The following CTNNA3 variants were observed in gnomAD, a reference collection of about 807,000 sequenced individuals.
CTNNA3 encodes the protein catenin alpha-3.
CTNNA3 carries 76 observed loss-of-function variants against 95.7 expected under a neutral mutation model. That is an observed-to-expected ratio of 0.79 (90% CI 0.66 to 0.96). The LOEUF (loss-of-function observed/expected upper bound fraction) is 0.96. CTNNA3 is among the 40% of genes least tolerant of loss of function. The probability of loss-of-function intolerance (pLI) is 0.00; values close to 1 mark genes in which losing one functional copy is unlikely to be tolerated. For missense variants in CTNNA3, 1,191 were observed against 1,089.8 expected (o/e 1.09, Z -1.31); for synonymous variants, 431 against 374.4 (o/e 1.15, Z -1.74).
chr10:65,969,700 T>C (rs1486615084), intron 16 of CTNNA3, among the ~76,000 whole-genome samples: 1 of 152,124 alleles, frequency 6.6e-6, no homozygotes, highest in Non-Finnish European at 1.5e-5. Flanking sequence ...TCTTTTGAAT[T>C]GACCCAGTCG....
At chr10:65,948,847 T>C (rs2077565948) in intron 17 of CTNNA3, among the ~76,000 whole-genome samples, 1 of 152,212 alleles carries the variant, frequency 6.6e-6, no homozygotes. Context: ...TCTTAAGAAA[T>C]GTCTATGCTG....
chr10:66,090,539 A>C (rs931568652), intron 14 of CTNNA3, among the ~76,000 whole-genome samples: 1 of 152,016 alleles, frequency 6.6e-6, no homozygotes, highest in African/African-American at 2.4e-5. Context: ...AAACACAGAA[A>C]TGTTCAGTAA....
chr10:67,097,653 G>A, intron 7 of CTNNA3: 3 of 1,612,586 alleles, frequency 1.9e-6, no homozygotes, highest in Non-Finnish European at 2.5e-6. Context: ...TTACTGTGGG[G>A]TGCATCATGA....
At chr10:67,426,138 A>G (rs996365461) in intron 5 of CTNNA3, among the ~76,000 whole-genome samples, 3 of 152,120 alleles carry the variant, frequency 2.0e-5, no homozygotes, top group Non-Finnish European at 4.4e-5. Context: ...AGAACAAATG[A>G]GTAGAAGAAG....
chr10:66,329,094 G>T (rs1347040737), intron 12 of CTNNA3, among the ~76,000 whole-genome samples: 5 of 151,164 alleles, frequency 3.3e-5, no homozygotes, highest in African/African-American at 1.2e-4. Context: ...GGGATTACAG[G>T]TGTGTGCCAT....
chr10:67,575,527 T>C (rs1842114396), intron 3 of CTNNA3, among the ~76,000 whole-genome samples: 1 of 152,200 alleles, frequency 6.6e-6, no homozygotes, highest in African/African-American at 2.4e-5. Flanking sequence ...CGTTGAGCTG[T>C]TGGCAAACAG....
rs150829424 is a variant in CTNNA3 at position 66,710,828 on chromosome 10, T to A, written c.1281+55436A>T. On this transcript the variant is annotated intron_variant, in intron 9 of 17. Coordinates refer to ENST00000433211, the MANE Select transcript of CTNNA3 (RefSeq NM_013266.4). Reference sequence around the variant, plus strand: ...ATTTATAATTCAACATTGAAACAAATCTTAAAACTTTGTCATGCGCTTGTT... The same window carrying A: ...ATTTATAATTCAACATTGAAACAAAACTTAAAACTTTGTCATGCGCTTGTT... Among the ~76,000 whole-genome samples, 173 of 150,636 alleles carry A rather than the reference T, an allele frequency of 1.1e-3. 1 individual carries two copies. The highest frequency in any genetic ancestry group is 3.9e-3 in the African/African-American group (159 of 40,874).
intron 9 of CTNNA3, among the ~76,000 whole-genome samples, chr10:66,682,023 A>G (rs1847083580): frequency 6.6e-6 from 1 of 152,204 alleles, no homozygotes. Context: ...TGGGCGTGTC[A>G]GGTCCTTTGT....
At chr10:66,303,012 T>C (rs2091884764) in intron 12 of CTNNA3, among the ~76,000 whole-genome samples, 1 of 152,126 alleles carries the variant, frequency 6.6e-6, no homozygotes, top group Non-Finnish European at 1.5e-5. Context: ...TAGGAATTTG[T>C]GACATAATTT....
chr10:65,948,911 TAA>T (rs1232045770), intron 17 of CTNNA3, among the ~76,000 whole-genome samples: 2 of 152,214 alleles, frequency 1.3e-5, no homozygotes, highest in African/African-American at 4.8e-5. Flanking sequence ...AATTTCTAGT[TAA>T]GTTTACTCAT....
chr10:67,649,699 C>G (rs1276528037), intron 1 of CTNNA3, among the ~76,000 whole-genome samples: 1 of 152,106 alleles, frequency 6.6e-6, no homozygotes, highest in African/African-American at 2.4e-5. Context: ...CTATCATAGG[C>G]AGAAAACTGC....
intron 11 of CTNNA3, among the ~76,000 whole-genome samples, chr10:66,457,864 AG>A (rs2093505069): frequency 6.6e-6 from 1 of 152,154 alleles, no homozygotes; most frequent in Non-Finnish European, 1.5e-5. Context: ...CCCAAATAAC[AG>A]AGAGGCAGAG....
At chr10:67,356,288 C>T (rs901972225) in intron 5 of CTNNA3, among the ~76,000 whole-genome samples, 1 of 151,974 alleles carries the variant, frequency 6.6e-6, no homozygotes, top group African/African-American at 2.4e-5. Context: ...TCTCATATTC[C>T]AACTATCACT....
At chr10:66,345,385 A>G (rs1345858536) in intron 12 of CTNNA3, among the ~76,000 whole-genome samples, 1 of 152,144 alleles carries the variant, frequency 6.6e-6, no homozygotes, top group Non-Finnish European at 1.5e-5. Flanking sequence ...GCTCATTTCC[A>G]TATTGATTTT....
chr10:67,448,581 T>C lies in CTNNA3; in HGVS notation c.579+73261A>G, dbSNP rs555077335. ...AATGAATGAATAATAAAACATATCA[T>C]TTAATAAACGCTTTTGGGATAATTG... On this transcript the variant is annotated intron_variant, in intron 5 of 17. Coordinates refer to ENST00000433211, the MANE Select transcript of CTNNA3 (RefSeq NM_013266.4). 8.6e-5 allele frequency among the ~76,000 whole-genome samples: 13 copies of C among 151,902 alleles called. No individual in the cohort carries two copies. In the East Asian group the frequency reaches 2.1e-3, roughly 25 times the overall value.
At chr10:67,126,006 T>C (rs577288633) in intron 7 of CTNNA3, among the ~76,000 whole-genome samples, 9 of 152,306 alleles carry the variant, frequency 5.9e-5, no homozygotes, top group East Asian at 3.9e-4. Context: ...ATCTAACCTC[T>C]GAATACAGTG....
intron 7 of CTNNA3, among the ~76,000 whole-genome samples, chr10:66,906,774 T>C (rs1258743886): frequency 6.6e-6 from 1 of 152,162 alleles, no homozygotes; most frequent in East Asian, 1.9e-4. Flanking sequence ...TTTTAGTGCG[T>C]CTCTTTTAGA....
chr10:67,726,230 T>A (rs865970961), intron 1 of CTNNA3, among the ~76,000 whole-genome samples: 1 of 93,522 alleles, frequency 1.1e-5, no homozygotes, highest in Admixed American at 1.8e-4. Flanking sequence ...ACATCATACA[T>A]TATATATTAT....
At chr10:66,574,053 A>C (rs1842939879) in intron 10 of CTNNA3, among the ~76,000 whole-genome samples, 2 of 152,072 alleles carry the variant, frequency 1.3e-5, no homozygotes, top group South Asian at 4.1e-4. Context: ...GCAATAATTT[A>C]CTCAAAAGGC....
Sources: allele counts gnomAD v4.1 joint callset (sites outside exome capture counted in the v4.1 genomes callset), GRCh38; gene constraint gnomAD v4.1.1; transcripts MANE v1.5; gene names NCBI Gene and HGNC (gene_info 2026-07-23, HGNC 2026-07-21).